PODXL2: variants seen among roughly 807,000 people sequenced by gnomAD.
PODXL2 encodes the protein podocalyxin like 2, also known as podocalyxin-like protein 2.
In PODXL2, 17 loss-of-function variants were observed where a neutral mutation model predicts 53.4. The observed-to-expected ratio is 0.32, with a 90% confidence interval of 0.22 to 0.48. The LOEUF is 0.48. PODXL2 is among the 20% of genes least tolerant of loss of function. The pLI, the probability that PODXL2 is intolerant of heterozygous loss-of-function variation, is 0.99. For missense variants in PODXL2, 673 were observed against 760.0 expected (o/e 0.89, Z 1.35); for synonymous variants, 311 against 306.7 (o/e 1.01, Z -0.15).
intron 4 of PODXL2, among the ~76,000 whole-genome samples, chr3:127,663,297 T>C (rs745679170): frequency 6.6e-6 from 1 of 152,222 alleles, no homozygotes; most frequent in Non-Finnish European, 1.5e-5. Flanking sequence ...ATGCATCTGA[T>C]TGCTTCTCAG....
intron 1 of PODXL2, among the ~76,000 whole-genome samples, chr3:127,633,643 C>G (rs1270473492): frequency 6.6e-6 from 1 of 152,116 alleles, no homozygotes; most frequent in African/African-American, 2.4e-5. Flanking sequence ...GTGTCCCCAT[C>G]ATGTGTAAAA....
chr3:127,659,183 GTTCTCTGAATT>G (rs1335853459), intron 2 of PODXL2, among the ~76,000 whole-genome samples: 1 of 152,058 alleles, frequency 6.6e-6, no homozygotes, highest in African/African-American at 2.4e-5. Context: ...ATTACCTTCT[GTTCTCTGAATT>G]TTCTGTGTTC....
chr3:127,630,273 C>T (rs368707622), intron 1 of PODXL2, among the ~76,000 whole-genome samples: 1 of 152,104 alleles, frequency 6.6e-6, no homozygotes, highest in African/African-American at 2.4e-5. Flanking sequence ...GAGTGTGTTA[C>T]GGTGTATGTT....
chr3:127,632,520 G>C (rs2074553572), intron 1 of PODXL2, among the ~76,000 whole-genome samples: 1 of 152,250 alleles, frequency 6.6e-6, no homozygotes. Context: ...AAGGCAGGCT[G>C]CCCGGGTGCC....
At position 127,662,304 on chromosome 3, in the gene PODXL2, T is replaced by C. The variant is rs368980009; in HGVS notation, c.1199T>C (p.Ile400Thr). 4 of 1,613,452 alleles carry C rather than the reference T, an allele frequency of 2.5e-6. No homozygotes were observed. The highest frequency in any genetic ancestry group is 1.7e-6 in the Non-Finnish European group (2 of 1,179,634). ...NYIILNMTEN[I>T]DCEVFRQHRG... The stretch of plus-strand genomic sequence containing the variant: ...ATCATTCTGAACATGACAGAGAACA[T>C]AGACTGTGTGAGTGCCCAGCCAGGC... Residue 400 changes from isoleucine (I) to threonine (T), a missense_variant, in exon 4 of 8, where the codon ATA becomes ACA. Ile to Thr is a moderately conservative substitution (Grantham distance 89). Around this residue, in one of 3 missense-constraint regions of PODXL2, gnomAD observed 588 missense variants for 668.3 expected, o/e 0.88. Transcript: ENST00000342480.
chr3:127,663,077 C>G (rs1441698434), intron 4 of PODXL2, among the ~76,000 whole-genome samples: 2 of 152,232 alleles, frequency 1.3e-5, no homozygotes, highest in Non-Finnish European at 2.9e-5. Flanking sequence ...CAGAGACCCT[C>G]TGTTTTATCT....
At chr3:127,645,275 A>C (rs1415131735) in intron 2 of PODXL2, among the ~76,000 whole-genome samples, 1 of 152,172 alleles carries the variant, frequency 6.6e-6, no homozygotes, top group Non-Finnish European at 1.5e-5. Context: ...GATGTAATGG[A>C]GCTGGATCTA....
In PODXL2 at chr3:127,660,870, C is replaced by A; in HGVS notation, c.842C>A (p.Ala281Asp). ...GCAGGGCTTGGGGTAGAGTTCGAGG[C>A]TCCTCAGGAAGCAAGCGAGGAAGCC... Reference protein sequence around the residue: ...PAAGLGVEFEAPQEASEEATA... With the variant: ...PAAGLGVEFEDPQEASEEATA... Residue 281 changes from alanine to aspartate, a missense_variant, in exon 3 of 8, where the codon GCT becomes GAT. Around this residue, in one of 3 missense-constraint regions of PODXL2, gnomAD observed 588 missense variants for 668.3 expected, o/e 0.88. Coordinates refer to ENST00000342480, the MANE Select transcript of PODXL2 (RefSeq NM_015720.4). 1 of 1,614,246 alleles carries A rather than the reference C, an allele frequency of 6.2e-7. No homozygotes were observed. The highest frequency in any genetic ancestry group is 1.1e-5 in the South Asian group (1 of 91,092).
intron 4 of PODXL2, among the ~76,000 whole-genome samples, chr3:127,667,630 G>C (rs1400676285): frequency 6.6e-6 from 1 of 152,244 alleles, no homozygotes; most frequent in Non-Finnish European, 1.5e-5. Flanking sequence ...CTTGCCATTC[G>C]TTGAGTTTCT....
chr3:127,660,442 G>A lies in PODXL2; in HGVS notation c.414G>A (p.Glu138=). The A allele has an allele frequency of 6.2e-7, 1 of 1,614,186 alleles. No homozygotes were observed. Among genetic ancestry groups the A allele is most frequent in the Non-Finnish European group, 8.5e-7 (1 of 1,180,028 alleles). The change falls in exon 3 of 8, where the codon GAG becomes GAA. Residue 138 remains glutamate (E), a synonymous_variant. Transcript: ENST00000342480. ...GSIEDTSQAQ[E]LPNLPSPLPK... is the part of the protein sequence containing the mutation. ...TTGAAGACACCAGCCAGGCTCAAGA[G>A]CTGCCAAACCTCCCCTCTCCCTTGC...
chr3:127,632,675 T>C (rs2074554229), intron 1 of PODXL2, among the ~76,000 whole-genome samples: 1 of 152,264 alleles, frequency 6.6e-6, no homozygotes, highest in Non-Finnish European at 1.5e-5. Context: ...ATACTGCTTT[T>C]GCAAAGCAGT....
intron 1 of PODXL2, among the ~76,000 whole-genome samples, chr3:127,631,554 G>GT (rs1387805750): frequency 2.6e-5 from 4 of 152,146 alleles, no homozygotes; most frequent in African/African-American, 9.7e-5. Context: ...GTGTGATGAT[G>GT]TAACAGAAAA....
intron 2 of PODXL2, among the ~76,000 whole-genome samples, chr3:127,655,251 C>G (rs990306944): frequency 6.6e-6 from 1 of 152,016 alleles, no homozygotes; most frequent in South Asian, 2.1e-4. Flanking sequence ...AGCCATAATA[C>G]AAAAATTAGC....
chr3:127,671,356 G>C, intron 6 of PODXL2, 78 bp from the exon 7 acceptor site: 4 of 1,238,126 alleles, frequency 3.2e-6, no homozygotes, highest in Non-Finnish European at 4.7e-6. Context: ...ATCCCCACCC[G>C]AGCCCAATGC....
At chr3:127,637,755 T>C (rs190337775) in intron 1 of PODXL2, among the ~76,000 whole-genome samples, 2 of 152,324 alleles carry the variant, frequency 1.3e-5, no homozygotes, top group African/African-American at 4.8e-5. Flanking sequence ...CCCCTGTGGC[T>C]GGATGTGGCA....
chr3:127,638,195 A>G (rs1559872792), intron 1 of PODXL2, among the ~76,000 whole-genome samples: 2 of 152,222 alleles, frequency 1.3e-5, no homozygotes, highest in African/African-American at 2.4e-5. Flanking sequence ...TAGGTCATTA[A>G]GTTAGAGGTT....
At chr3:127,637,519 T>A (rs1220320557) in intron 1 of PODXL2, among the ~76,000 whole-genome samples, 1 of 152,192 alleles carries the variant, frequency 6.6e-6, no homozygotes, top group East Asian at 1.9e-4. Flanking sequence ...TTGGTGCCCC[T>A]CACACTGGAG....
At chr3:127,672,083 T>C (rs2074849361) in intron 7 of PODXL2, among the ~76,000 whole-genome samples, 185 bp from the exon 8 acceptor site, 1 of 152,222 alleles carries the variant, frequency 6.6e-6, no homozygotes, top group South Asian at 2.1e-4. Flanking sequence ...CGGGGCTTTG[T>C]AGTGCCAACG....
intron 2 of PODXL2, among the ~76,000 whole-genome samples, chr3:127,659,296 C>G (rs900101223): frequency 4.6e-5 from 7 of 152,116 alleles, no homozygotes; most frequent in Non-Finnish European, 1.0e-4. Flanking sequence ...TTTATTTTGG[C>G]TGAGGGGTTA....
Sources: allele counts gnomAD v4.1 joint callset (sites outside exome capture counted in the v4.1 genomes callset), GRCh38; gene constraint gnomAD v4.1.1; regional missense constraint gnomAD v4.1.1; transcripts MANE v1.5; gene names NCBI Gene and HGNC (gene_info 2026-07-23, HGNC 2026-07-21).